ST8SIA4: variants seen among roughly 807,000 people sequenced by gnomAD.
ST8SIA4 encodes the protein ST8 alpha-N-acetyl-neuraminide alpha-2,8-sialyltransferase 4, also known as CMP-N-acetylneuraminate-poly-alpha-2,8-sialyltransferase.
A neutral mutation model predicts 33.9 loss-of-function variants in ST8SIA4; 15 were observed. That is an observed-to-expected ratio of 0.44 (90% CI 0.30 to 0.68). The LOEUF is 0.68. Ranked by LOEUF, ST8SIA4 falls within the 30% of genes least tolerant of loss-of-function variation. The pLI is 0.10. For synonymous variants in ST8SIA4, 171 were observed against 151.2 expected (o/e 1.13, Z -0.96); for missense variants, 321 against 428.0 (o/e 0.75, Z 2.21).
At chr5:100,846,431 C>T (rs908121629) in intron 4 of ST8SIA4, among the ~76,000 whole-genome samples, 2 of 151,828 alleles carry the variant, frequency 1.3e-5, no homozygotes, top group Non-Finnish European at 2.9e-5. Flanking sequence ...ATAAGTCAAT[C>T]TTTGCTATGA....
chr5:100,861,575 GA>G (rs1223974080), intron 3 of ST8SIA4, among the ~76,000 whole-genome samples: 1 of 151,954 alleles, frequency 6.6e-6, no homozygotes, highest in Non-Finnish European at 1.5e-5. Context: ...GCGTGCCAAG[GA>G]AAAATATATT....
intron 4 of ST8SIA4, among the ~76,000 whole-genome samples, chr5:100,822,911 C>A (rs574720575): frequency 5.1e-4 from 78 of 152,270 alleles, no homozygotes; most frequent in African/African-American, 1.8e-3. Flanking sequence ...GCGGGCGGAT[C>A]ACGAGGTCAG....
Position 100,824,548 on chromosome 5 carries a change from A to G in ST8SIA4, c.798-12419T>C, listed in dbSNP as rs191189208. Among the ~76,000 whole-genome samples, 491 of 151,918 alleles carry G rather than the reference A, an allele frequency of 3.2e-3. 3 individuals carry two copies. The highest frequency in any genetic ancestry group is 8.5e-3 in the South Asian group (41 of 4,814). ...GATCCTACATTTTGAACATTCATGA[A>G]AAAAAAAGGCTTTTTATTTTTGGTC... is the stretch of plus-strand genomic sequence containing the variant. On this transcript the variant is annotated intron_variant, in intron 4 of 4. Transcript: ENST00000231461.
chr5:100,864,639 G>A (rs1752025249), intron 3 of ST8SIA4, among the ~76,000 whole-genome samples: 1 of 149,022 alleles, frequency 6.7e-6, no homozygotes. Flanking sequence ...ACAAACTTCA[G>A]GTTCTACTAA....
chr5:100,870,444 G>C (rs1189606784), intron 3 of ST8SIA4, among the ~76,000 whole-genome samples: 1 of 151,992 alleles, frequency 6.6e-6, no homozygotes, highest in East Asian at 1.9e-4. Flanking sequence ...CTTGATTTTT[G>C]GAAAAGCTGT....
At chr5:100,876,074 C>G (rs563215883) in intron 3 of ST8SIA4, among the ~76,000 whole-genome samples, 2 of 151,936 alleles carry the variant, frequency 1.3e-5, no homozygotes, top group Non-Finnish European at 2.9e-5. Context: ...AGACATAAAG[C>G]CTAAAACTAT....
intron 4 of ST8SIA4, among the ~76,000 whole-genome samples, chr5:100,849,984 T>A (rs544948237): frequency 2.0e-4 from 30 of 152,284 alleles, no homozygotes; most frequent in Non-Finnish European, 3.8e-4. Flanking sequence ...AAGACTATAT[T>A]TTTTTAAGTA....
In ST8SIA4 at chr5:100,822,853, A is replaced by G. The variant is rs576764903; in HGVS notation, c.798-10724T>C. On this transcript the variant is annotated intron_variant, in intron 4 of 4. Transcript: ENST00000231461. ...TAAAACCGTTTGCAATAAAGAAACC[A>G]GGCGAAACTCACCAAAACCTGTAAT... Among the ~76,000 whole-genome samples, 3 of 152,292 alleles carry G rather than the reference A, an allele frequency of 2.0e-5. No individual in the cohort carries two copies. The South Asian group carries it at 6.2e-4, about 32-fold the overall frequency.
chr5:100,888,213 AC>A (rs745554691), intron 2 of ST8SIA4, among the ~76,000 whole-genome samples: 244 of 151,246 alleles, frequency 1.6e-3, no homozygotes, highest in African/African-American at 5.5e-3. Flanking sequence ...AAAAAAAAAA[AC>A]ATATATATAT....
chr5:100,896,086 T>A (rs1752772994), intron 1 of ST8SIA4, among the ~76,000 whole-genome samples: 1 of 152,016 alleles, frequency 6.6e-6, no homozygotes, highest in Admixed American at 6.6e-5. Flanking sequence ...AATTCAGCAA[T>A]CTCTCCTCTG....
intron 3 of ST8SIA4, among the ~76,000 whole-genome samples, chr5:100,874,027 TA>T (rs1707450997): frequency 6.6e-6 from 1 of 152,138 alleles, no homozygotes; most frequent in Non-Finnish European, 1.5e-5. Flanking sequence ...CTTAATGTAA[TA>T]TATACACTAT....
intron 4 of ST8SIA4, among the ~76,000 whole-genome samples, chr5:100,821,643 T>C (rs557607045): frequency 6.0e-5 from 6 of 100,008 alleles, no homozygotes; most frequent in Non-Finnish European, 9.7e-5. Flanking sequence ...CTATATTCCA[T>C]TGAATAATGT....
At chr5:100,887,958 A>T (rs994386473) in intron 2 of ST8SIA4, among the ~76,000 whole-genome samples, 2 of 151,986 alleles carry the variant, frequency 1.3e-5, no homozygotes, top group Admixed American at 1.3e-4. Flanking sequence ...TCAGCAAGAG[A>T]TACCACTATA....
At chr5:100,837,029 CA>C (rs1208205112) in intron 4 of ST8SIA4, among the ~76,000 whole-genome samples, 3 of 144,744 alleles carry the variant, frequency 2.1e-5, no homozygotes, top group Non-Finnish European at 4.6e-5. Flanking sequence ...CACACACACA[CA>C]CCGTAATACC....
intron 2 of ST8SIA4, among the ~76,000 whole-genome samples, chr5:100,888,206 A>C (rs1752583889): frequency 6.6e-6 from 1 of 151,646 alleles, no homozygotes; most frequent in African/African-American, 2.4e-5. Context: ...TAAGGAAAAA[A>C]AAAAAAACAT....
chr5:100,830,609 A>C (rs1751237566), intron 4 of ST8SIA4, among the ~76,000 whole-genome samples: 1 of 152,184 alleles, frequency 6.6e-6, no homozygotes, highest in Admixed American at 6.5e-5. Context: ...GACTTATTTT[A>C]TGTGTTATAA....
At chr5:100,902,817 A>G (rs1460350237) in intron 1 of ST8SIA4, 26 bp downstream of exon 1, 6 of 1,573,266 alleles carry the variant, frequency 3.8e-6, no homozygotes, top group Non-Finnish European at 5.2e-6. Context: ...TTTTTGTCAT[A>G]TCCTGAAATG....
At chr5:100,866,512 A>G (rs901181117) in intron 3 of ST8SIA4, among the ~76,000 whole-genome samples, 2 of 152,028 alleles carry the variant, frequency 1.3e-5, no homozygotes, top group Non-Finnish European at 2.9e-5. Context: ...GAAATGTTAC[A>G]AAGACATCTT....
chr5:100,856,464 T>C (rs929893778), intron 3 of ST8SIA4, 68 bp from the exon 4 acceptor site: 13 of 1,435,088 alleles, frequency 9.1e-6, no homozygotes. Context: ...ATGGTGTTCA[T>C]GAAAAGAAGA....
Sources: allele counts gnomAD v4.1 joint callset (sites outside exome capture counted in the v4.1 genomes callset), GRCh38; gene constraint gnomAD v4.1.1; transcripts MANE v1.5; gene names NCBI Gene and HGNC (gene_info 2026-07-23, HGNC 2026-07-21).